Variants in ANKS1B observed in about 807,000 individuals in gnomAD.
ANKS1B encodes ankyrin repeat and sterile alpha motif domain-containing protein 1B.
Under a neutral mutation model 148.3 loss-of-function variants are expected in ANKS1B, and 36 were observed. That is an observed-to-expected ratio of 0.24 (90% confidence interval 0.19 to 0.32). The LOEUF is 0.32. Among genes scored for constraint, ANKS1B ranks in the 10% least tolerant of loss-of-function variants. The pLI is 1.00. For missense variants in ANKS1B, 1,157 were observed against 1,542.6 expected (o/e 0.75, Z 4.19); for synonymous variants, 542 against 560.8 (o/e 0.97, Z 0.47).
intron 16 of ANKS1B, among the ~76,000 whole-genome samples, chr12:99,066,243 C>A (rs1481333299): frequency 6.6e-6 from 1 of 152,128 alleles, no homozygotes; most frequent in Non-Finnish European, 1.5e-5. Context: ...ATTGCTTGAA[C>A]CCAGGAGGCA....
chr12:99,544,971 G>A (rs1300785700), intron 9 of ANKS1B, among the ~76,000 whole-genome samples: 1 of 152,024 alleles, frequency 6.6e-6, no homozygotes, highest in Non-Finnish European at 1.5e-5. Context: ...GTGAGCCCTG[G>A]CTACATTATC....
At chr12:99,055,458 T>A (rs1395176278) in intron 16 of ANKS1B, among the ~76,000 whole-genome samples, 2 of 152,206 alleles carry the variant, frequency 1.3e-5, no homozygotes, top group Non-Finnish European at 2.9e-5. Context: ...ACCAGTGAAC[T>A]GTGCAATGGG....
At chr12:99,732,545 T>C (rs1412812348) in intron 8 of ANKS1B, among the ~76,000 whole-genome samples, 1 of 152,096 alleles carries the variant, frequency 6.6e-6, no homozygotes, top group African/African-American at 2.4e-5. Context: ...AAAAAAATTA[T>C]AGTGATAGAA....
chr12:99,518,024 T>C (rs1368568184), intron 9 of ANKS1B, among the ~76,000 whole-genome samples: 1 of 152,222 alleles, frequency 6.6e-6, no homozygotes, highest in African/African-American at 2.4e-5. Flanking sequence ...ATTATATTGG[T>C]TGATTTGCAT....
intron 1 of ANKS1B, among the ~76,000 whole-genome samples, chr12:99,835,492 C>A (rs1264545800): frequency 2.0e-5 from 3 of 151,872 alleles, no homozygotes; most frequent in Admixed American, 6.6e-5. Flanking sequence ...TTTCTAGTAG[C>A]CACATTAAAA....
At chr12:99,515,228 A>G (rs2096805116) in intron 9 of ANKS1B, among the ~76,000 whole-genome samples, 1 of 152,012 alleles carries the variant, frequency 6.6e-6, no homozygotes, top group African/African-American at 2.4e-5. Flanking sequence ...GTTATTGACT[A>G]TAGCGCCCCT....
At chr12:99,135,408 T>C (rs1334328289) in intron 15 of ANKS1B, among the ~76,000 whole-genome samples, 1 of 152,088 alleles carries the variant, frequency 6.6e-6, no homozygotes, top group Admixed American at 6.5e-5. Flanking sequence ...ATATTTAAAG[T>C]GCCTACCAAG....
intron 8 of ANKS1B, among the ~76,000 whole-genome samples, chr12:99,716,756 C>T (rs1021439331): frequency 1.4e-4 from 22 of 152,124 alleles, no homozygotes; most frequent in Admixed American, 1.2e-3. Flanking sequence ...CCTTCTTTCC[C>T]TCCCGCCTGT....
chr12:99,880,476 T>C (rs986822903), intron 1 of ANKS1B, among the ~76,000 whole-genome samples: 3 of 152,156 alleles, frequency 2.0e-5, no homozygotes, highest in East Asian at 1.9e-4. Flanking sequence ...AGCTCTCTTA[T>C]GGAATGCCAA....
At chr12:99,197,603 C>G (rs991666052) in intron 14 of ANKS1B, among the ~76,000 whole-genome samples, 1 of 152,110 alleles carries the variant, frequency 6.6e-6, no homozygotes, top group Non-Finnish European at 1.5e-5. Flanking sequence ...TCCTCAAAAG[C>G]AGAGAATCTC....
intron 12 of ANKS1B, among the ~76,000 whole-genome samples, chr12:99,278,351 C>A (rs148004587): frequency 0.01 from 1,571 of 152,314 alleles, 25 homozygotes; most frequent in African/African-American, 0.036. Context: ...TCTGTATGAA[C>A]CCCTGTGTCC....
intron 12 of ANKS1B, among the ~76,000 whole-genome samples, chr12:99,342,135 A>G (rs984149091): frequency 2.9e-4 from 44 of 152,160 alleles, no homozygotes; most frequent in Non-Finnish European, 2.2e-4. Context: ...GGAGGTCAGC[A>G]TTTAGTGTTA....
intron 8 of ANKS1B, among the ~76,000 whole-genome samples, chr12:99,715,623 TG>T (rs2057216947): frequency 6.6e-6 from 1 of 152,138 alleles, no homozygotes; most frequent in Non-Finnish European, 1.5e-5. Flanking sequence ...AGGGGACCCT[TG>T]GAGATCCCTT....
intron 9 of ANKS1B, among the ~76,000 whole-genome samples, chr12:99,598,421 C>A (rs2097774690): frequency 6.6e-6 from 1 of 152,068 alleles, no homozygotes; most frequent in African/African-American, 2.4e-5. Context: ...ATCCTCACAA[C>A]AAAACTACAA....
At chr12:99,931,895 T>G (rs1303150018) in intron 1 of ANKS1B, among the ~76,000 whole-genome samples, 1 of 152,146 alleles carries the variant, frequency 6.6e-6, no homozygotes, top group Admixed American at 6.6e-5. Context: ...TATATTTTTG[T>G]ACCCATTAAC....
chr12:99,443,556 A>G, intron 11 of ANKS1B, 117 bp downstream of exon 11: 1 of 1,054,996 alleles, frequency 9.5e-7, no homozygotes, highest in Non-Finnish European at 1.3e-6. Flanking sequence ...CTTTTAATTT[A>G]GAAATCCATT....
intron 17 of ANKS1B, among the ~76,000 whole-genome samples, chr12:99,045,421 A>G (rs934017432): frequency 1.3e-5 from 2 of 152,068 alleles, no homozygotes; most frequent in African/African-American, 4.8e-5. Context: ...ACTGCTTCTG[A>G]TCAGGTCATT....
intron 12 of ANKS1B, among the ~76,000 whole-genome samples, chr12:99,356,363 C>T (rs2091981240): frequency 6.6e-6 from 1 of 152,128 alleles, no homozygotes; most frequent in Non-Finnish European, 1.5e-5. Context: ...TGGAGTCTCT[C>T]CTCTATGAAA....
chr12:99,268,035 A>G (rs1208877084), intron 12 of ANKS1B, among the ~76,000 whole-genome samples: 1 of 152,228 alleles, frequency 6.6e-6, no homozygotes, highest in African/African-American at 2.4e-5. Context: ...CTCAAACCCA[A>G]ATTTTACTCT....
Sources: gnomAD v4.1 joint callset for allele counts (sites outside exome capture counted in the v4.1 genomes callset) on GRCh38, gnomAD v4.1.1 for gene constraint, MANE v1.5 for transcripts, NCBI Gene and HGNC (gene_info 2026-07-23, HGNC 2026-07-21) for gene names.